Variants in SEL1L observed in about 807,000 individuals in gnomAD.
The protein encoded by SEL1L is SEL1L adaptor subunit of SYVN1 ubiquitin ligase.
Under a neutral mutation model 109.8 loss-of-function variants are expected in SEL1L, and 52 were observed. The ratio of observed to expected loss-of-function variants is 0.47; its 90% CI spans 0.38 to 0.60. The LOEUF is 0.60. SEL1L is among the 20% of genes least tolerant of loss of function. The pLI, the probability that SEL1L is intolerant of heterozygous loss-of-function variation, is 0.00. For missense variants in SEL1L, 749 were observed against 962.2 expected, an observed-to-expected ratio of 0.78 and a Z score of 2.93; for synonymous variants, 373 against 339.6, an observed-to-expected ratio of 1.10 and a Z score of -1.08.
chr14:81,504,109 C>G (rs1042473887), intron 5 of SEL1L, 92 bp downstream of exon 5: 2 of 688,176 alleles, frequency 2.9e-6, no homozygotes, highest in Admixed American at 6.2e-5. Context: ...TCTTCTGCGT[C>G]TCTGGCAGTG....
At chr14:81,490,809 C>G (rs1244358653) in intron 12 of SEL1L, among the ~76,000 whole-genome samples, 1 of 152,082 alleles carries the variant, frequency 6.6e-6, no homozygotes, top group Non-Finnish European at 1.5e-5. Flanking sequence ...GCTGAGGCAG[C>G]AGAATTGCTT....
intron 4 of SEL1L, among the ~76,000 whole-genome samples, chr14:81,505,840 T>C (rs1422242497): frequency 6.6e-6 from 1 of 152,216 alleles, no homozygotes; most frequent in African/African-American, 2.4e-5. Flanking sequence ...AAACAACCTG[T>C]GTATACCAAT....
Position 81,487,899 on chromosome 14 carries a change from T to C in SEL1L, c.1439A>G (p.Gln480Arg). Residue 480 changes from glutamine (Q) to arginine (R), a missense_variant, in exon 15 of 21, where the codon CAA (glutamine) becomes CGA (arginine). Physicochemically the swap from Gln to Arg is conservative, Grantham distance 43. Transcript: ENST00000336735. ...ALKYFQKAAE[Q>R]GWVDGQLQLG... The stretch of plus-strand genomic sequence containing the variant: ...CTGTAGCTGCCCATCCACCCAGCCT[T>C]GTTCAGCAGCTTTCTGGAAATACTT... 3.7e-6 allele frequency: 6 copies of C among 1,614,028 alleles called. No individual in the cohort carries two copies. The highest frequency in any genetic ancestry group is 4.2e-6 in the Non-Finnish European group (5 of 1,179,950).
In SEL1L at chr14:81,510,472, A is replaced by ATCTCTCTC. The variant is rs374089460; in HGVS notation, c.341-4239_341-4232dup. 1.6e-3 allele frequency among the ~76,000 whole-genome samples: 189 copies of ATCTCTCTC among 118,878 alleles called. 1 individual carries two copies. Among genetic ancestry groups the ATCTCTCTC allele is most frequent in the Admixed American group, 7.3e-3 (79 of 10,866 alleles). 78.0% of individuals were successfully genotyped at this position (118,878 alleles called of 152,430 possible). ...AAAGGTAAACATAGCTAGAATGCTG[A>ATCTCTCTC]TCTCTCTCTCTCTCTCTCTCTCTCT... On this transcript the variant is annotated intron_variant, in intron 3 of 20. Coordinates refer to ENST00000336735, the MANE Select transcript of SEL1L (RefSeq NM_005065.6).
intron 15 of SEL1L, 122 bp from the exon 16 acceptor site, chr14:81,487,660 T>C: frequency 2.0e-6 from 3 of 1,516,460 alleles, no homozygotes; most frequent in Non-Finnish European, 2.6e-6. Context: ...AATATGTGAA[T>C]CTAATACAAG....
chr14:81,478,212 G>C (rs944822825), intron 20 of SEL1L, among the ~76,000 whole-genome samples: 1 of 151,980 alleles, frequency 6.6e-6, no homozygotes, highest in African/African-American at 2.4e-5. Context: ...GTAGGTACAG[G>C]TGCTAAATTT....
intron 6 of SEL1L, among the ~76,000 whole-genome samples, chr14:81,500,439 T>C (rs1883957678): frequency 6.6e-6 from 1 of 152,102 alleles, no homozygotes; most frequent in African/African-American, 2.4e-5. Context: ...GGTTTCACCA[T>C]GTTGGCCAGG....
chr14:81,523,570 T>C (rs1338471534), intron 3 of SEL1L, among the ~76,000 whole-genome samples: 5 of 152,180 alleles, frequency 3.3e-5, no homozygotes. Flanking sequence ...TCCTAAGTGC[T>C]AGCAAATTAA....
At chr14:81,529,872 A>C (rs1885259046) in intron 1 of SEL1L, among the ~76,000 whole-genome samples, 1 of 152,224 alleles carries the variant, frequency 6.6e-6, no homozygotes, top group Non-Finnish European at 1.5e-5. Flanking sequence ...GGTAAGGATT[A>C]AAGAGACTGA....
chr14:81,476,923 G>T lies in SEL1L; in HGVS notation c.*49C>A. On this transcript the variant is annotated 3_prime_UTR_variant, in exon 21 of 21. Coordinates refer to ENST00000336735, the MANE Select transcript of SEL1L (RefSeq NM_005065.6). The stretch of plus-strand genomic sequence containing the variant: ...CCTAAATCAAATGCAAGTGTTCCCA[G>T]CAGATAACTTCCTTCGCTGTCACTG... 1 of 1,584,838 alleles carries T rather than the reference G, an allele frequency of 6.3e-7. No homozygotes were observed. Among genetic ancestry groups the T allele is most frequent in the Non-Finnish European group, 8.6e-7 (1 of 1,157,344 alleles).
rs371939787 is a variant in SEL1L at position 81,484,535 on chromosome 14, C to T, written c.1874-138G>A. 2.6e-4 allele frequency: 200 copies of T among 776,754 alleles called. No homozygotes were observed. The African/African-American group carries it at 3.2e-3, about 12-fold the overall frequency. 48.1% of individuals were successfully genotyped at this position (776,754 alleles called of 1,614,324 possible). A position where few individuals can be genotyped will look rare whatever the true frequency, so the allele number is the denominator to read the frequency against. The stretch of plus-strand genomic sequence containing the variant: ...TAGTACACAAACTTTGTAACAAATC[C>T]TTTCAGCCAAGTTATAAAGTCCAGT... On this transcript the variant is annotated intron_variant, in intron 18 of 20. Transcript: ENST00000336735.
chr14:81,520,888 G>A (rs540515444), intron 3 of SEL1L, among the ~76,000 whole-genome samples: 4 of 152,160 alleles, frequency 2.6e-5, no homozygotes, highest in South Asian at 2.1e-4. Flanking sequence ...GCTTTCTTTC[G>A]TGGAATTGAC....
intron 3 of SEL1L, among the ~76,000 whole-genome samples, chr14:81,514,618 G>T (rs1446834599): frequency 1.3e-5 from 2 of 152,174 alleles, no homozygotes; most frequent in Non-Finnish European, 2.9e-5. Flanking sequence ...TAGTGTTTCT[G>T]CTGCTTTGTC....
chr14:81,517,987 G>A lies in SEL1L; in HGVS notation c.340+8746C>T, dbSNP rs144149143. Reference sequence around the variant, plus strand: ...TCTGTCACCTAGGCTGGAGTGCTGTGGCATGATCTTGGCTCACTGCAGCCT... The same window carrying A: ...TCTGTCACCTAGGCTGGAGTGCTGTAGCATGATCTTGGCTCACTGCAGCCT... On this transcript the variant is annotated intron_variant, in intron 3 of 20. Coordinates refer to ENST00000336735, the MANE Select transcript of SEL1L (RefSeq NM_005065.6). Among the ~76,000 whole-genome samples, 489 of 152,108 alleles carry A rather than the reference G, an allele frequency of 3.2e-3. 2 individuals are homozygous for A. Among genetic ancestry groups the A allele is most frequent in the African/African-American group, 0.011 (468 of 41,494 alleles).
At chr14:81,489,612 A>T (rs749844354) in intron 13 of SEL1L, among the ~76,000 whole-genome samples, 1 of 152,218 alleles carries the variant, frequency 6.6e-6, no homozygotes, top group Non-Finnish European at 1.5e-5. Flanking sequence ...AAGCATGACT[A>T]ATGTATTTCA....
chr14:81,509,786 T>TA (rs1177963225), intron 3 of SEL1L, among the ~76,000 whole-genome samples: 3 of 152,186 alleles, frequency 2.0e-5, no homozygotes, highest in Admixed American at 2.0e-4. Flanking sequence ...TAAAGGTCCA[T>TA]ATCTTCAGAT....
rs554817711 is a variant in SEL1L, at chr14:81,496,839, T to A, written c.1128+1053A>T. Among the ~76,000 whole-genome samples, 8 of 152,270 alleles carry A rather than the reference T, an allele frequency of 5.3e-5. No homozygotes were observed. The South Asian group carries it at 1.7e-3, about 32-fold the overall frequency. ...AACAGTATCTCATGGTACCAAAATA[T>A]ATAAAATCAAACACACACAGAATAC... On this transcript the variant is annotated intron_variant, in intron 10 of 20. Transcript: ENST00000336735.
intron 18 of SEL1L, 61 bp downstream of exon 18, chr14:81,485,611 G>A: frequency 7.4e-7 from 1 of 1,355,914 alleles, no homozygotes; most frequent in Non-Finnish European, 1.1e-6. Flanking sequence ...AATGTTCATG[G>A]GAGATAAACA....
At chr14:81,498,997 T>C (rs1883893863) in intron 8 of SEL1L, 2 of 508,838 alleles carry the variant, frequency 3.9e-6, no homozygotes, top group South Asian at 8.5e-5. Context: ...TAGAGCTCTC[T>C]GGAGTCATTC....
Sources: allele counts gnomAD v4.1 joint callset (sites outside exome capture counted in the v4.1 genomes callset), GRCh38; gene constraint gnomAD v4.1.1; transcripts MANE v1.5; gene names NCBI Gene and HGNC (gene_info 2026-07-23, HGNC 2026-07-21).